ARHGEF28: variants seen among roughly 807,000 people sequenced by gnomAD.
ARHGEF28 encodes the protein Rho guanine nucleotide exchange factor 28.
In ARHGEF28, 152 loss-of-function variants were observed where a neutral mutation model predicts 206.6. The observed-to-expected ratio is 0.74, with a 90% CI of 0.64 to 0.84. The LOEUF is 0.84. Among genes scored for constraint, ARHGEF28 ranks in the 40% least tolerant of loss-of-function variants. The pLI, the probability that ARHGEF28 is intolerant of heterozygous loss-of-function variation, is 0.00. For synonymous variants in ARHGEF28, 763 were observed against 776.4 expected (o/e 0.98, Z 0.29); for missense variants, 2,028 against 2,073.2 (o/e 0.98, Z 0.42).
At chr5:73,811,168 A>G (rs913972106) in intron 9 of ARHGEF28, among the ~76,000 whole-genome samples, 3 of 152,180 alleles carry the variant, frequency 2.0e-5, no homozygotes, top group African/African-American at 7.2e-5. Context: ...TGGTTTGGTG[A>G]TTGTCCACAC....
Position 73,937,114 on chromosome 5 carries a change from T to C in ARHGEF28, c.4949-3730T>C, listed in dbSNP as rs183208852. Among the ~76,000 whole-genome samples the C allele has an allele frequency of 2.6e-5, 4 of 152,354 alleles. No homozygotes were observed. The East Asian group carries it at 7.7e-4, about 29-fold the overall frequency. ...CCTAAGGGCTAAATATTGGGAGATT[T>C]AGGAAACTTTCTCTGGATATCAGTG... is the stretch of plus-strand genomic sequence containing the variant. On this transcript the variant is annotated intron_variant, in intron 35 of 35. Coordinates refer to ENST00000513042, the MANE Select transcript of ARHGEF28 (RefSeq NM_001177693.2).
chr5:73,809,899 T>A (rs1460711071), intron 9 of ARHGEF28, among the ~76,000 whole-genome samples: 1 of 152,208 alleles, frequency 6.6e-6, no homozygotes, highest in Non-Finnish European at 1.5e-5. Context: ...GATATATCAT[T>A]GAATTCTGCT....
chr5:73,883,873 A>G lies in ARHGEF28; in HGVS notation c.3044A>G (p.Gln1015Arg). The G allele has an allele frequency of 1.3e-6, 2 of 1,543,630 alleles. No homozygotes were observed. The highest frequency in any genetic ancestry group is 1.7e-6 in the Non-Finnish European group (2 of 1,143,302). ...CCTGTCTTGGTGGAAAGGATATTGC[A>G]GTACACAAAGGGTAAGTTGTGACTT... ...KYPVLVERIL[Q>R]YTKERTEEHK... The change falls in exon 24 of 36, where the codon CAG (glutamine) becomes CGG (arginine). Residue 1015 changes from glutamine (Q) to arginine (R), a missense_variant. By Grantham distance (43) the Gln-to-Arg change is conservative (BLOSUM62 1). Transcript: ENST00000513042.
intron 4 of ARHGEF28, among the ~76,000 whole-genome samples, chr5:73,771,762 C>T (rs1203958936): frequency 1.3e-5 from 2 of 151,954 alleles, no homozygotes; most frequent in Non-Finnish European, 2.9e-5. Flanking sequence ...AATCTAAAAA[C>T]AAAAACCTCA....
intron 35 of ARHGEF28, among the ~76,000 whole-genome samples, chr5:73,927,097 A>C (rs1561201850): frequency 6.6e-6 from 1 of 152,188 alleles, no homozygotes; most frequent in African/African-American, 2.4e-5. Context: ...GCAGTGGCTC[A>C]TGCCTATAAC....
chr5:73,651,095 C>T (rs553993892), intron 1 of ARHGEF28, among the ~76,000 whole-genome samples: 60 of 152,232 alleles, frequency 3.9e-4, no homozygotes, highest in African/African-American at 8.4e-4. Flanking sequence ...GGTAAGATTT[C>T]GTGAGAACTC....
At chr5:73,683,862 T>C (rs1397355815) in intron 1 of ARHGEF28, among the ~76,000 whole-genome samples, 1 of 152,186 alleles carries the variant, frequency 6.6e-6, no homozygotes, top group Non-Finnish European at 1.5e-5. Flanking sequence ...TCAACATGCT[T>C]ATATTGACCT....
intron 2 of ARHGEF28, among the ~76,000 whole-genome samples, chr5:73,717,825 A>G (rs2112322866): frequency 6.6e-6 from 1 of 152,304 alleles, no homozygotes; most frequent in South Asian, 2.1e-4. Flanking sequence ...GCTGTTGGAC[A>G]TGGAAATGAT....
chr5:73,730,534 A>ATTTTTTTTTT (rs968990208), intron 2 of ARHGEF28, among the ~76,000 whole-genome samples: 1 of 117,396 alleles, frequency 8.5e-6, no homozygotes, highest in African/African-American at 3.5e-5. Flanking sequence ...CATAAGGAGG[A>ATTTTTTTTTT]TTTTTTTTTT....
intron 9 of ARHGEF28, among the ~76,000 whole-genome samples, chr5:73,820,832 G>C (rs574274496): frequency 1.1e-4 from 17 of 152,230 alleles, no homozygotes; most frequent in African/African-American, 3.6e-4. Context: ...GAGTGGCCCA[G>C]GGAAGCTGAG....
At position 73,684,797 on chromosome 5, in the gene ARHGEF28, G is replaced by A; in HGVS notation, c.-11-44G>A. 2.5e-6 allele frequency: 4 copies of A among 1,579,910 alleles called. No homozygotes were observed. The South Asian group carries it at 4.6e-5, about 18-fold the overall frequency. On this transcript the variant is annotated intron_variant, in intron 1 of 35. Coordinates refer to ENST00000513042, the MANE Select transcript of ARHGEF28 (RefSeq NM_001177693.2). ...GAGAGCTCTGCTGGTCGGTTCCATGGGGCCTCCTGCAATAACTTCTCTTGT... is the reference window on the plus strand; with the variant it reads ...GAGAGCTCTGCTGGTCGGTTCCATGAGGCCTCCTGCAATAACTTCTCTTGT...
chr5:73,813,600 C>T, intron 9 of ARHGEF28: 1 of 1,535,792 alleles, frequency 6.5e-7, no homozygotes, highest in Non-Finnish European at 8.7e-7. Context: ...TGGATTCTGA[C>T]TCCGACTCAC....
intron 2 of ARHGEF28, among the ~76,000 whole-genome samples, chr5:73,735,263 T>C (rs946501191): frequency 2.0e-5 from 3 of 151,604 alleles, no homozygotes; most frequent in African/African-American, 7.3e-5. Flanking sequence ...TAAATTAAAA[T>C]TTATTTATTT....
At chr5:73,911,182 C>G in intron 34 of ARHGEF28, 93 bp from the exon 35 acceptor site, 8 of 1,258,002 alleles carry the variant, frequency 6.4e-6, no homozygotes, top group Non-Finnish European at 8.6e-6. Context: ...TTACTGAAAT[C>G]TTGATTCCTA....
chr5:73,880,486 A>G (rs1202422765), intron 22 of ARHGEF28, among the ~76,000 whole-genome samples: 1 of 152,204 alleles, frequency 6.6e-6, no homozygotes, highest in Admixed American at 6.5e-5. Context: ...CCGGTACCTC[A>G]GATGGAAATG....
At chr5:73,912,644 A>C (rs1407921363) in intron 35 of ARHGEF28, among the ~76,000 whole-genome samples, 1 of 152,218 alleles carries the variant, frequency 6.6e-6, no homozygotes, top group Non-Finnish European at 1.5e-5. Flanking sequence ...TATAGGAGAG[A>C]ATGAAATAGT....
intron 5 of ARHGEF28, among the ~76,000 whole-genome samples, chr5:73,776,236 C>T (rs987665837): frequency 2.6e-5 from 4 of 152,094 alleles, no homozygotes; most frequent in Admixed American, 6.5e-5. Flanking sequence ...AGGTAAAGTA[C>T]TATGTTTAAA....
chr5:73,680,462 A>AAAG, intron 1 of ARHGEF28, among the ~76,000 whole-genome samples: 1 of 147,348 alleles, frequency 6.8e-6, no homozygotes, highest in African/African-American at 2.5e-5. Flanking sequence ...AAAAAAAAAA[A>AAAG]GGGATTCACT....
chr5:73,758,176 A>T (rs1333027936), intron 4 of ARHGEF28, among the ~76,000 whole-genome samples: 2 of 152,196 alleles, frequency 1.3e-5, no homozygotes, highest in African/African-American at 4.8e-5. Flanking sequence ...CCAAAGACAG[A>T]TGGCATCGTT....
Sources: gnomAD v4.1 joint callset for allele counts (sites outside exome capture counted in the v4.1 genomes callset) on GRCh38, gnomAD v4.1.1 for gene constraint, MANE v1.5 for transcripts, NCBI Gene and HGNC (gene_info 2026-07-23, HGNC 2026-07-21) for gene names.